Variants in PPP2R2A observed in about 807,000 individuals in gnomAD.
The protein encoded by PPP2R2A is protein phosphatase 2 regulatory subunit Balpha, also known as serine/threonine-protein phosphatase 2A 55 kDa regulatory subunit B alpha isoform.
Under a neutral mutation model 53.2 loss-of-function variants are expected in PPP2R2A, and 9 were observed. That is an observed-to-expected ratio of 0.17 (90% CI 0.10 to 0.30). PPP2R2A has a LOEUF of 0.30. Ranked by LOEUF, PPP2R2A falls within the 10% of genes least tolerant of loss-of-function variation. The probability of loss-of-function intolerance (pLI) is 1.00; values close to 1 mark genes in which losing one functional copy is unlikely to be tolerated. For synonymous variants in PPP2R2A, 169 were observed against 174.2 expected, an observed-to-expected ratio of 0.97 and a Z score of 0.23; for missense variants, 235 against 534.6, an observed-to-expected ratio of 0.44 and a Z score of 5.53.
At chr8:26,297,235 G>A (rs537114453) in intron 2 of PPP2R2A, among the ~76,000 whole-genome samples, 40 of 152,170 alleles carry the variant, frequency 2.6e-4, no homozygotes, top group Admixed American at 1.8e-3. Context: ...TCAGCCTCTT[G>A]AGAAGCTGGG....
At chr8:26,326,609 C>T (rs1803101075) in intron 2 of PPP2R2A, among the ~76,000 whole-genome samples, 1 of 152,080 alleles carries the variant, frequency 6.6e-6, no homozygotes, top group African/African-American at 2.4e-5. Context: ...ATATTAATAG[C>T]CAGATACCCA....
intron 1 of PPP2R2A, chr8:26,293,397 T>A: frequency 1.1e-6 from 1 of 896,256 alleles, no homozygotes; most frequent in Non-Finnish European, 1.7e-6. Flanking sequence ...AGGCTTTTAC[T>A]GTATTTGACA....
chr8:26,318,739 G>A (rs1364557343), intron 2 of PPP2R2A, among the ~76,000 whole-genome samples: 1 of 151,988 alleles, frequency 6.6e-6, no homozygotes, highest in Non-Finnish European at 1.5e-5. Flanking sequence ...ACTATTTTTT[G>A]TCAGAATATA....
At chr8:26,318,536 A>G (rs959416037) in intron 2 of PPP2R2A, among the ~76,000 whole-genome samples, 1 of 152,226 alleles carries the variant, frequency 6.6e-6, no homozygotes, top group Non-Finnish European at 1.5e-5. Context: ...TGATAGGTAC[A>G]CAGGAATTCA....
At chr8:26,349,573 A>G (rs1804391659) in intron 3 of PPP2R2A, among the ~76,000 whole-genome samples, 1 of 152,236 alleles carries the variant, frequency 6.6e-6, no homozygotes, top group African/African-American at 2.4e-5. Flanking sequence ...GTTGTTTTCC[A>G]TAGTGGCTGC....
At chr8:26,318,277 A>C (rs925316173) in intron 2 of PPP2R2A, among the ~76,000 whole-genome samples, 2 of 152,122 alleles carry the variant, frequency 1.3e-5, no homozygotes, top group African/African-American at 4.8e-5. Context: ...ATAGTTTAAT[A>C]TTTTTTATGA....
chr8:26,304,930 G>C (rs1456167797), intron 2 of PPP2R2A, among the ~76,000 whole-genome samples: 1 of 151,886 alleles, frequency 6.6e-6, no homozygotes, highest in Non-Finnish European at 1.5e-5. Context: ...GCATATTATA[G>C]AAAACATATA....
intron 2 of PPP2R2A, among the ~76,000 whole-genome samples, chr8:26,337,022 G>T (rs1446546110): frequency 2.0e-5 from 3 of 152,102 alleles, no homozygotes; most frequent in Non-Finnish European, 4.4e-5. Context: ...GCCTGACAAG[G>T]AGTTGTAATT....
chr8:26,291,524 T>G lies in PPP2R2A; in HGVS notation c.-296T>G. 8 of 307,516 alleles carry G rather than the reference T, an allele frequency of 2.6e-5. No homozygotes were observed. Among genetic ancestry groups the G allele is most frequent in the Non-Finnish European group, 4.3e-5 (7 of 161,076 alleles). 19.0% of individuals were successfully genotyped at this position (307,516 alleles called of 1,614,324 possible). On this transcript the variant is annotated 5_prime_UTR_variant, in exon 1 of 10. Coordinates refer to ENST00000380737, the MANE Select transcript of PPP2R2A (RefSeq NM_002717.4). The stretch of plus-strand genomic sequence containing the variant: ...TCACTGGCCAGGCCAGCCGGCGCCA[T>G]TTTGAAAGTGGAGTCGCCTGCCCCT...
At chr8:26,305,807 A>G (rs1293748310) in intron 2 of PPP2R2A, among the ~76,000 whole-genome samples, 1 of 152,176 alleles carries the variant, frequency 6.6e-6, no homozygotes, top group East Asian at 1.9e-4. Context: ...AGTTGATTTT[A>G]TGCTGCTTGA....
Position 26,354,956 on chromosome 8 carries a change from T to A in PPP2R2A, c.346+323T>A, listed in dbSNP as rs1300225834. On this transcript the variant is annotated intron_variant, in intron 4 of 9. Transcript: ENST00000380737. The surrounding 1 kb of genome is among the most constrained non-coding windows in gnomAD (Gnocchi z 4.6). ...GCAGGTTACTAACACTGAATTGAATTTTCCTCAGCAGCAAACTAGAGATAG... is the reference window on the plus strand; with the variant it reads ...GCAGGTTACTAACACTGAATTGAATATTCCTCAGCAGCAAACTAGAGATAG... 6.6e-6 allele frequency among the ~76,000 whole-genome samples: 1 copy of A among 152,222 alleles called. No individual in the cohort carries two copies. The highest frequency in any genetic ancestry group is 1.5e-5 in the Non-Finnish European group (1 of 68,038).
chr8:26,366,512 G>A, intron 9 of PPP2R2A, 106 bp downstream of exon 9: 1 of 817,466 alleles, frequency 1.2e-6, no homozygotes, highest in Non-Finnish European at 1.8e-6. Flanking sequence ...AATAAATTTA[G>A]TAATTTTAGA....
chr8:26,320,755 T>A (rs1802801209), intron 2 of PPP2R2A, among the ~76,000 whole-genome samples: 2 of 152,190 alleles, frequency 1.3e-5, no homozygotes, highest in Non-Finnish European at 2.9e-5. Context: ...ATTATTTTTT[T>A]AAAAGAAAGC....
At chr8:26,310,374 G>A (rs1238836354) in intron 2 of PPP2R2A, among the ~76,000 whole-genome samples, 1 of 144,140 alleles carries the variant, frequency 6.9e-6, no homozygotes, top group Non-Finnish European at 1.5e-5. Context: ...GTTAATATTT[G>A]GGCATAGATC....
chr8:26,353,029 G>C (rs1377659776), intron 3 of PPP2R2A, among the ~76,000 whole-genome samples: 3 of 152,132 alleles, frequency 2.0e-5, no homozygotes, highest in Non-Finnish European at 2.9e-5. Context: ...TAAAAATCGA[G>C]TTGCCTGCTT....
intron 2 of PPP2R2A, among the ~76,000 whole-genome samples, chr8:26,332,571 T>G (rs1389565584): frequency 1.3e-5 from 2 of 152,222 alleles, no homozygotes; most frequent in African/African-American, 4.8e-5. Context: ...TTGATTTTTC[T>G]TAAGCATTTA....
rs1801930375 is a variant in PPP2R2A at position 26,304,625 on chromosome 8, A to G, written c.82+10885A>G. The stretch of plus-strand genomic sequence containing the variant: ...GTTTTTTCCTGCTTACCACAAGGTA[A>G]GATTCTTAAGGGTGGATGACTTTCT... On this transcript the variant is annotated intron_variant, in intron 2 of 9. Coordinates refer to ENST00000380737, the MANE Select transcript of PPP2R2A (RefSeq NM_002717.4). Among the ~76,000 whole-genome samples, 7 of 152,146 alleles carry G rather than the reference A, an allele frequency of 4.6e-5. No homozygotes were observed. In the South Asian group the frequency reaches 1.4e-3, roughly 31 times the overall value.
At chr8:26,292,187 A>AT (rs539972910) in intron 1 of PPP2R2A, 53,145 of 1,123,620 alleles carry the variant, frequency 0.047, 1,355 homozygotes, top group South Asian at 0.12. Context: ...CCCCGCCTTT[A>AT]TTTTTTTTTC....
At chr8:26,315,001 C>G (rs1484595695) in intron 2 of PPP2R2A, among the ~76,000 whole-genome samples, 2 of 148,756 alleles carry the variant, frequency 1.3e-5, no homozygotes, top group African/African-American at 5.0e-5. Context: ...TTTTTAAGAG[C>G]TCTTTTGCTC....
Sources: allele counts gnomAD v4.1 joint callset (sites outside exome capture counted in the v4.1 genomes callset), GRCh38; gene constraint gnomAD v4.1.1; non-coding constraint Gnocchi (gnomAD v3.1); transcripts MANE v1.5; gene names NCBI Gene and HGNC (gene_info 2026-07-23, HGNC 2026-07-21).